The following OSBPL5 variants were observed in gnomAD, a reference collection of about 807,000 sequenced individuals.
OSBPL5 encodes the protein oxysterol binding protein like 5.
In OSBPL5, 71 loss-of-function variants were observed where a neutral mutation model predicts 111.2. The ratio of observed to expected loss-of-function variants is 0.64; its 90% confidence interval spans 0.53 to 0.78. The LOEUF is 0.78. Among genes scored for constraint, OSBPL5 ranks in the 30% least tolerant of loss-of-function variants. OSBPL5 has a pLI of 0.00. For missense variants in OSBPL5, 1,210 were observed against 1,189.3 expected (o/e 1.02, Z -0.26); for synonymous variants, 549 against 513.9 (o/e 1.07, Z -0.93).
chr11:3,154,499 A>G lies in OSBPL5; in HGVS notation c.-22+10717T>C, dbSNP rs1299777752. On this transcript the variant is annotated intron_variant, in intron 1 of 21. Transcript: ENST00000263650. This position sits in a 1 kb window ranked among gnomAD's most constrained non-coding sequence, Gnocchi z 4.9. ...TTCCAGCTGAGCCAGGCCTCTTGGG[A>G]AGGCGTAAAACAGTCAAGATTCAAG... 6.6e-6 allele frequency among the ~76,000 whole-genome samples: 1 copy of G among 152,208 alleles called. No individual in the cohort carries two copies. Among genetic ancestry groups the G allele is most frequent in the East Asian group, 1.9e-4 (1 of 5,198 alleles).
intron 13 of OSBPL5, 23 bp downstream of exon 13, chr11:3,101,557 CGCATTTCCCTGAGGCCCCAGGGA>C (rs746467698): frequency 6.5e-7 from 1 of 1,546,578 alleles, no homozygotes; most frequent in South Asian, 1.1e-5. Context: ...TCCCGACCAT[CGCATTTCCCTGAGGCCCCAGGGA>C]GCGCCCAGGG....
At position 3,105,192 on chromosome 11, in the gene OSBPL5, G is replaced by T. The variant is rs567237238; in HGVS notation, c.1060-815C>A. On this transcript the variant is annotated intron_variant, in intron 9 of 21. Coordinates refer to ENST00000263650, the MANE Select transcript of OSBPL5 (RefSeq NM_020896.4). The surrounding 1 kb of genome is among the most constrained non-coding windows in gnomAD (Gnocchi z 5.2). ...GGTCACACGGCTGCTATGCGGCAGA[G>T]GTCAGATCTGAACTCAGGGCTCTCT... 6.6e-6 allele frequency among the ~76,000 whole-genome samples: 1 copy of T among 152,224 alleles called. No homozygotes were observed. The highest frequency in any genetic ancestry group is 1.5e-5 in the Non-Finnish European group (1 of 68,024).
At chr11:3,097,679 C>G (rs1438993728) in intron 14 of OSBPL5, among the ~76,000 whole-genome samples, 1 of 152,102 alleles carries the variant, frequency 6.6e-6, no homozygotes, top group Non-Finnish European at 1.5e-5. Flanking sequence ...GAGTGACCAG[C>G]TAGAGATGAT....
intron 17 of OSBPL5, 61 bp from the exon 18 acceptor site, chr11:3,093,113 G>A: frequency 7.0e-7 from 1 of 1,434,820 alleles, no homozygotes; most frequent in East Asian, 2.5e-5. Flanking sequence ...TAGGCAGCTA[G>A]GAATCAGGGC....
chr11:3,155,932 C>T (rs35473186), intron 1 of OSBPL5, among the ~76,000 whole-genome samples: 1 of 152,260 alleles, frequency 6.6e-6, no homozygotes, highest in Non-Finnish European at 1.5e-5. Context: ...GGCCCTCAGT[C>T]TCAGGCTCAA....
rs1322007104 is a variant in OSBPL5, at chr11:3,155,620, GTCTGCCACTCACTCACCCCAGC to G, written c.-22+9574_-22+9595del. Among the ~76,000 whole-genome samples the G allele has an allele frequency of 3.9e-4, 50 of 129,276 alleles. No homozygotes were observed. The South Asian group carries it at 7.1e-3, about 18-fold the overall frequency. The allele number at this position is 129,276 out of a possible 152,430, so 84.8% of individuals were successfully genotyped here. On this transcript the variant is annotated intron_variant, in intron 1 of 21. Transcript: ENST00000263650. ...CCCCCAGCTTTGCCACTCACCCCAG[GTCTGCCACTCACTCACCCCAGC>G]TCTGCCACTCACTCACCCCAGCTCT... is the stretch of plus-strand genomic sequence containing the variant.
At chr11:3,145,616 C>T (rs11025598) in intron 1 of OSBPL5, among the ~76,000 whole-genome samples, 22,208 of 152,204 alleles carry the variant, frequency 0.15, 1,693 homozygotes, top group East Asian at 0.19. Context: ...GAGACCCACA[C>T]ACAAGAGCAG....
At position 3,121,943 on chromosome 11, in the gene OSBPL5, G is replaced by T; in HGVS notation, c.402+54C>A. 6.8e-7 allele frequency: 1 copy of T among 1,467,038 alleles called. No homozygotes were observed. The highest frequency in any genetic ancestry group is 9.2e-7 in the Non-Finnish European group (1 of 1,083,300). The allele number at this position is 1,467,038 out of a possible 1,614,324, so 90.9% of individuals were successfully genotyped here. On this transcript the variant is annotated intron_variant, in intron 5 of 21. Transcript: ENST00000263650. The surrounding 1 kb of genome is among the most constrained non-coding windows in gnomAD (Gnocchi z 4.3). The stretch of plus-strand genomic sequence containing the variant: ...CACCTGGTTTATGGTCCTTTGTTAT[G>T]GCAGCAGCACGCTGACCCGTGTCCT...
chr11:3,160,054 C>A (rs1220147325), intron 1 of OSBPL5, among the ~76,000 whole-genome samples: 4 of 152,158 alleles, frequency 2.6e-5, no homozygotes, highest in Non-Finnish European at 4.4e-5. Context: ...GCCCTGGCCC[C>A]ACCAGCCCTC....
intron 7 of OSBPL5, among the ~76,000 whole-genome samples, chr11:3,112,040 TGCGC>T (rs1428102140): frequency 4.6e-5 from 4 of 87,660 alleles, no homozygotes; most frequent in South Asian, 8.9e-4. Context: ...TGTGTATGTG[TGCGC>T]GCATGTGTGT....
At chr11:3,124,662 G>A (rs375013876) in intron 3 of OSBPL5, among the ~76,000 whole-genome samples, 35 of 152,250 alleles carry the variant, frequency 2.3e-4, no homozygotes, top group Middle Eastern at 3.4e-3. Flanking sequence ...CCCTTGGCCC[G>A]CCCAGGACTT....
Position 3,105,927 on chromosome 11 carries a change from G to A in OSBPL5, c.1059+1336C>T, listed in dbSNP as rs934557404. Among the ~76,000 whole-genome samples the A allele has an allele frequency of 1.3e-5, 2 of 152,174 alleles. No homozygotes were observed. Among genetic ancestry groups the A allele is most frequent in the African/African-American group, 2.4e-5 (1 of 41,440 alleles). On this transcript the variant is annotated intron_variant, in intron 9 of 21. Coordinates refer to ENST00000263650, the MANE Select transcript of OSBPL5 (RefSeq NM_020896.4). This position sits in a 1 kb window ranked among gnomAD's most constrained non-coding sequence, Gnocchi z 5.2. ...CACTTCTCCCTTCTCCATCACAGCT[G>A]GGTCCAGGGTGTCCTCAGCTTTCTC...
intron 17 of OSBPL5, 187 bp from the exon 18 acceptor site, chr11:3,093,239 A>T (rs1296121231): frequency 1.3e-6 from 1 of 748,920 alleles, no homozygotes; most frequent in African/African-American, 1.8e-5. Flanking sequence ...TTTTTCCAAC[A>T]CTGAGCTCCC....
chr11:3,102,406 C>T (rs920189705), intron 11 of OSBPL5, 125 bp from the exon 12 acceptor site: 2 of 808,944 alleles, frequency 2.5e-6, no homozygotes, highest in African/African-American at 1.7e-5. Flanking sequence ...GCCTGGTTTG[C>T]TGCTAGCATC....
At chr11:3,131,863 A>ACCCATCCTCCTG (rs1845811260) in intron 1 of OSBPL5, among the ~76,000 whole-genome samples, 1 of 92,866 alleles carries the variant, frequency 1.1e-5, no homozygotes, top group African/African-American at 4.9e-5. Context: ...CAAACCATCC[A>ACCCATCCTCCTG]TCCATCCATC....
intron 13 of OSBPL5, among the ~76,000 whole-genome samples, chr11:3,101,121 C>T (rs536997283): frequency 2.0e-5 from 3 of 151,956 alleles, no homozygotes; most frequent in East Asian, 1.9e-4. Flanking sequence ...ATGACAGGCA[C>T]GTGCCACCAT....
intron 1 of OSBPL5, among the ~76,000 whole-genome samples, chr11:3,153,456 T>C (rs1846652116): frequency 6.6e-6 from 1 of 152,146 alleles, no homozygotes; most frequent in South Asian, 2.1e-4. Context: ...GCTGCTCTTG[T>C]GTGGGAAAGC....
chr11:3,090,982 C>T (rs911107984), intron 19 of OSBPL5, among the ~76,000 whole-genome samples: 1 of 152,246 alleles, frequency 6.6e-6, no homozygotes, highest in Non-Finnish European at 1.5e-5. Context: ...GCCCTGTGCT[C>T]ACCATGGCGT....
rs904526850 is a variant in OSBPL5 at position 3,113,382 on chromosome 11, A to G, written c.692-5437T>C. Among the ~76,000 whole-genome samples the G allele has an allele frequency of 2.0e-5, 3 of 152,136 alleles. No homozygotes were observed. Among genetic ancestry groups the G allele is most frequent in the African/African-American group, 7.2e-5 (3 of 41,440 alleles). On this transcript the variant is annotated intron_variant, in intron 7 of 21. Transcript: ENST00000263650. This position sits in a 1 kb window ranked among gnomAD's most constrained non-coding sequence, Gnocchi z 4.8. ...AAGACAGAATGATCTTTGCTTGTGT[A>G]ATCTTTAATAATGCCTGTAATCTCA...
Sources: gnomAD v4.1 joint callset for allele counts (sites outside exome capture counted in the v4.1 genomes callset) on GRCh38, gnomAD v4.1.1 for gene constraint, Gnocchi (gnomAD v3.1) non-coding constraint, MANE v1.5 for transcripts, NCBI Gene and HGNC (gene_info 2026-07-23, HGNC 2026-07-21) for gene names.